The following SYN3 variants were observed in gnomAD, a reference collection of about 807,000 sequenced individuals.
SYN3 encodes the protein synapsin-3.
Under a neutral mutation model 65.8 loss-of-function variants are expected in SYN3, and 35 were observed. The observed-to-expected ratio is 0.53, with a 90% CI of 0.41 to 0.70. The LOEUF (loss-of-function observed/expected upper bound fraction) is 0.70. Ranked by LOEUF, SYN3 falls within the 30% of genes least tolerant of loss-of-function variation. The pLI is 0.00. For synonymous variants in SYN3, 270 were observed against 292.9 expected, an observed-to-expected ratio of 0.92 and a Z score of 0.80; for missense variants, 680 against 749.0, an observed-to-expected ratio of 0.91 and a Z score of 1.08.
At chr22:32,711,013 C>CT (rs1312267427) in intron 6 of SYN3, among the ~76,000 whole-genome samples, 5 of 152,176 alleles carry the variant, frequency 3.3e-5, no homozygotes, top group Admixed American at 3.3e-4. Flanking sequence ...GCTCTTCACT[C>CT]TTCTTCTCCT....
chr22:32,533,804 A>G lies in SYN3; in HGVS notation c.1084T>C (p.Tyr362His), dbSNP rs1383805114. Residue 362 changes from tyrosine (Y) to histidine (H), a missense_variant, in exon 10 of 14, where the codon TAC becomes CAC. Tyr to His is a moderately conservative substitution (Grantham distance 83). Coordinates refer to ENST00000358763, the MANE Select transcript of SYN3 (RefSeq NM_003490.4). ...KAVHSKDGRD[Y>H]IIEVMDSSMP... ...GCTTCATCCCTCACCTCGATGATGT[A>G]ATCTCTGCCATCCTTGCTGTGGACA... 5.0e-6 allele frequency: 8 copies of G among 1,613,004 alleles called. No individual in the cohort carries two copies. The highest frequency in any genetic ancestry group is 6.8e-6 in the Non-Finnish European group (8 of 1,179,132).
At chr22:32,525,319 G>A (rs953766452) in intron 12 of SYN3, among the ~76,000 whole-genome samples, 2 of 152,194 alleles carry the variant, frequency 1.3e-5, no homozygotes, top group African/African-American at 4.8e-5. Flanking sequence ...TGGAATTACT[G>A]CAGCCTCGTG....
chr22:32,672,421 C>T lies in SYN3; in HGVS notation c.712-75685G>A, dbSNP rs985041293. ...TATTTTCTCAGTGAGCAGTCATCAA[C>T]GTAAAGAAACTGATGTGTGGGGCTG... is the stretch of plus-strand genomic sequence containing the variant. On this transcript the variant is annotated intron_variant, in intron 6 of 13. Coordinates refer to ENST00000358763, the MANE Select transcript of SYN3 (RefSeq NM_003490.4). Among the ~76,000 whole-genome samples the T allele has an allele frequency of 3.3e-5, 5 of 152,290 alleles. No homozygotes were observed. The South Asian group carries it at 6.2e-4, about 19-fold the overall frequency.
chr22:32,537,407 C>T (rs1275602717), intron 9 of SYN3, among the ~76,000 whole-genome samples: 2 of 152,172 alleles, frequency 1.3e-5, no homozygotes, highest in Non-Finnish European at 2.9e-5. Flanking sequence ...GATCTGCCCG[C>T]CTCGGCCTCC....
At position 32,570,682 on chromosome 22, in the gene SYN3, G is replaced by A. The variant is rs148906894; in HGVS notation, c.774+25992C>T. On this transcript the variant is annotated intron_variant, in intron 7 of 13. Transcript: ENST00000358763. ...GCTTAGAATCTCAGTGTGAAGGGAC[G>A]TGAGTTGGCATCTGGTCAACCCTCT... Among the ~76,000 whole-genome samples, 167 of 152,208 alleles carry A rather than the reference G, an allele frequency of 1.1e-3. 1 individual carries two copies. Among genetic ancestry groups the A allele is most frequent in the African/African-American group, 3.4e-3 (143 of 41,516 alleles).
chr22:32,577,793 C>T (rs1199531981), intron 7 of SYN3, among the ~76,000 whole-genome samples: 1 of 152,186 alleles, frequency 6.6e-6, no homozygotes, highest in Non-Finnish European at 1.5e-5. Flanking sequence ...CTGTGCTGTT[C>T]CTTCTGCTGT....
chr22:32,738,727 A>C (rs538242233), intron 6 of SYN3, among the ~76,000 whole-genome samples: 2 of 152,358 alleles, frequency 1.3e-5, no homozygotes, highest in South Asian at 4.1e-4. Context: ...ACAGCAGGCA[A>C]AGACATGGGA....
intron 6 of SYN3, among the ~76,000 whole-genome samples, chr22:32,804,225 C>G (rs1395884449): frequency 6.6e-6 from 1 of 152,174 alleles, no homozygotes; most frequent in East Asian, 1.9e-4. Context: ...GTGAGCTGCA[C>G]TAGTGGCAGG....
chr22:33,015,339 G>T, intron 1 of SYN3: 1 of 674,582 alleles, frequency 1.5e-6, no homozygotes, highest in South Asian at 1.7e-5. Context: ...GAAGAATCCA[G>T]AGAAGATCAA....
intron 6 of SYN3, among the ~76,000 whole-genome samples, chr22:32,611,527 C>T (rs181555401): frequency 2.0e-5 from 3 of 152,006 alleles, no homozygotes; most frequent in African/African-American, 7.2e-5. Flanking sequence ...CTCCTGACCT[C>T]GTGATCTGCC....
At chr22:32,766,875 T>C (rs2045640602) in intron 6 of SYN3, among the ~76,000 whole-genome samples, 1 of 152,154 alleles carries the variant, frequency 6.6e-6, no homozygotes, top group South Asian at 2.1e-4. Flanking sequence ...TGGGCAACAC[T>C]CCAGATTATA....
At chr22:32,840,240 C>A (rs935644574) in intron 6 of SYN3, among the ~76,000 whole-genome samples, 5 of 152,266 alleles carry the variant, frequency 3.3e-5, no homozygotes, top group Admixed American at 2.6e-4. Context: ...GCCAAAAAAA[C>A]CTGCTTAAAT....
chr22:32,868,362 T>A (rs1179497789), intron 5 of SYN3, among the ~76,000 whole-genome samples: 1 of 151,292 alleles, frequency 6.6e-6, no homozygotes, highest in Non-Finnish European at 1.5e-5. Context: ...ATTACATATA[T>A]GTAATATCAT....
At chr22:32,796,454 G>A (rs927168679) in intron 6 of SYN3, among the ~76,000 whole-genome samples, 4 of 152,188 alleles carry the variant, frequency 2.6e-5, no homozygotes, top group African/African-American at 9.7e-5. Flanking sequence ...AGAGCTGGGG[G>A]AGAGCTGGGG....
intron 4 of SYN3, among the ~76,000 whole-genome samples, chr22:32,884,882 G>A (rs999633178): frequency 1.3e-5 from 2 of 151,536 alleles, no homozygotes; most frequent in Admixed American, 6.6e-5. Context: ...TCAAAAAAAA[G>A]AAAAGAAAAG....
chr22:32,890,607 C>T (rs1378173448), intron 4 of SYN3, among the ~76,000 whole-genome samples: 1 of 151,990 alleles, frequency 6.6e-6, no homozygotes, highest in African/African-American at 2.4e-5. Flanking sequence ...GTCTTGATCT[C>T]CTGACCTCGT....
chr22:32,585,894 A>G (rs915779405), intron 7 of SYN3, among the ~76,000 whole-genome samples: 1 of 149,664 alleles, frequency 6.7e-6, no homozygotes. Flanking sequence ...ACGTATATAT[A>G]CGTATATATG....
intron 7 of SYN3, among the ~76,000 whole-genome samples, chr22:32,585,233 C>G (rs1176638144): frequency 1.3e-5 from 2 of 152,222 alleles, no homozygotes; most frequent in Non-Finnish European, 2.9e-5. Context: ...CTGCTCTGAG[C>G]TATCCCAGAG....
chr22:32,820,693 A>T (rs186859885), intron 6 of SYN3, among the ~76,000 whole-genome samples: 8 of 152,290 alleles, frequency 5.3e-5, no homozygotes, highest in Admixed American at 3.3e-4. Flanking sequence ...CCCAGGCACC[A>T]AGGAGCACCT....
Sources: gnomAD v4.1 joint callset for allele counts (sites outside exome capture counted in the v4.1 genomes callset) on GRCh38, gnomAD v4.1.1 for gene constraint, MANE v1.5 for transcripts, NCBI Gene and HGNC (gene_info 2026-07-23, HGNC 2026-07-21) for gene names.